Variants in IKZF1 observed in about 807,000 individuals in gnomAD.
The protein encoded by IKZF1 is IKAROS family zinc finger 1.
IKZF1 carries 10 observed loss-of-function variants against 51.7 expected under a neutral mutation model. The ratio of observed to expected loss-of-function variants is 0.19; its 90% CI spans 0.12 to 0.33. The LOEUF is 0.33. Among genes scored for constraint, IKZF1 ranks in the 10% least tolerant of loss-of-function variants. IKZF1 has a pLI of 1.00. For missense variants in IKZF1, 484 were observed against 707.5 expected, an observed-to-expected ratio of 0.68 and a Z score of 3.58; for synonymous variants, 280 against 282.3, an observed-to-expected ratio of 0.99 and a Z score of 0.08.
Position 50,382,529 on chromosome 7 carries a change from C to G in IKZF1, c.422-11C>G. 1 of 1,610,104 alleles carries G rather than the reference C, an allele frequency of 6.2e-7. No homozygotes were observed. The highest frequency in any genetic ancestry group is 8.5e-7 in the Non-Finnish European group (1 of 1,177,004). ...GTTTAGTTCTCACCAGCTCTCCTCT[C>G]TCCGTCCCAGGAGAACGGCCCTTCC... On this transcript the variant is annotated splice_polypyrimidine_tract_variant and intron_variant, in intron 4 of 7. Transcript: ENST00000331340.
At chr7:50,391,670 G>A (rs1019620034) in intron 6 of IKZF1, 59 bp from the exon 7 acceptor site, 54 of 1,588,002 alleles carry the variant, frequency 3.4e-5, no homozygotes, top group Middle Eastern at 1.7e-4. Flanking sequence ...AACATTGGAC[G>A]CGACTGAACC....
At chr7:50,315,175 G>A (rs1241716053) in intron 1 of IKZF1, among the ~76,000 whole-genome samples, 1 of 152,256 alleles carries the variant, frequency 6.6e-6, no homozygotes, top group Non-Finnish European at 1.5e-5. Flanking sequence ...ACACTGTTTG[G>A]TCAGAAAGAG....
At chr7:50,329,631 G>C (rs543372904) in intron 3 of IKZF1, among the ~76,000 whole-genome samples, 1 of 152,360 alleles carries the variant, frequency 6.6e-6, no homozygotes, top group East Asian at 1.9e-4. Context: ...GGGTGGTGAT[G>C]TTCCCTGATT....
chr7:50,321,037 C>T (rs1022229489), intron 2 of IKZF1, among the ~76,000 whole-genome samples: 5 of 152,050 alleles, frequency 3.3e-5, no homozygotes, highest in Admixed American at 6.5e-5. Flanking sequence ...AGTATGATCT[C>T]GTTCTTTTAA....
intron 6 of IKZF1, chr7:50,388,388 A>C (rs1403099021): frequency 1.3e-5 from 2 of 152,250 alleles, no homozygotes; most frequent in Non-Finnish European, 2.9e-5. Flanking sequence ...GAGTACCCTC[A>C]GATTATTAAT....
intron 2 of IKZF1, 141 bp downstream of exon 2, chr7:50,319,242 G>A (rs1792453752): frequency 1.7e-6 from 1 of 598,208 alleles, no homozygotes; most frequent in East Asian, 2.8e-5. Flanking sequence ...ATTTGCCTGA[G>A]TGTTTCCTTC....
intron 3 of IKZF1, among the ~76,000 whole-genome samples, chr7:50,349,237 A>C (rs550502624): frequency 6.6e-6 from 1 of 152,340 alleles, no homozygotes; most frequent in South Asian, 2.1e-4. Context: ...GTTGTGTTCT[A>C]AATAGCACTA....
At chr7:50,333,538 C>T (rs1014309156) in intron 3 of IKZF1, among the ~76,000 whole-genome samples, 2 of 152,124 alleles carry the variant, frequency 1.3e-5, no homozygotes, top group Non-Finnish European at 2.9e-5. Context: ...TCTTCTGAAC[C>T]GATAAACCCC....
chr7:50,336,737 T>C (rs946283616), intron 3 of IKZF1, among the ~76,000 whole-genome samples: 3 of 152,132 alleles, frequency 2.0e-5, no homozygotes. Flanking sequence ...TTCTGCTGAA[T>C]GCAATGGGAA....
chr7:50,356,161 C>T (rs1317688046), intron 3 of IKZF1, among the ~76,000 whole-genome samples: 4 of 152,258 alleles, frequency 2.6e-5, no homozygotes, highest in Admixed American at 2.6e-4. Context: ...CATTAGTCCA[C>T]TTTGCGTCTC....
Position 50,401,667 on chromosome 7 carries a change from CTGTT to C in IKZF1, c.*1044_*1047del, listed in dbSNP as rs1818148627. 4.6e-6 allele frequency: 1 copy of C among 218,968 alleles called. No homozygotes were observed. Among genetic ancestry groups the C allele is most frequent in the Non-Finnish European group, 9.2e-6 (1 of 109,074 alleles). The allele number at this position is 218,968 out of a possible 1,614,324, so 13.6% of individuals were successfully genotyped here. The stretch of plus-strand genomic sequence containing the variant: ...TAGCCCTCATTTTAATTATGTACAT[CTGTT>C]TGTAGCCACAAGCCTGAATTTCTCA... On this transcript the variant is annotated 3_prime_UTR_variant, in exon 8 of 8. Coordinates refer to ENST00000331340, the MANE Select transcript of IKZF1 (RefSeq NM_006060.6).
chr7:50,393,364 G>T (rs950063004), intron 7 of IKZF1, among the ~76,000 whole-genome samples: 8 of 152,142 alleles, frequency 5.3e-5, no homozygotes, highest in Admixed American at 5.2e-4. Flanking sequence ...TGGGAGAGAG[G>T]TGGGGCCAGA....
intron 3 of IKZF1, chr7:50,369,049 T>C: frequency 4.4e-6 from 1 of 225,674 alleles, no homozygotes; most frequent in Non-Finnish European, 8.8e-6. Context: ...GTTACAGAAA[T>C]CTTTCTTTTA....
intron 3 of IKZF1, among the ~76,000 whole-genome samples, chr7:50,349,810 C>G (rs1272791151): frequency 6.6e-6 from 1 of 152,178 alleles, no homozygotes; most frequent in Non-Finnish European, 1.5e-5. Context: ...AACCCTGTCA[C>G]ATTGAGGGCA....
chr7:50,381,932 CTG>C (rs1811956787), intron 4 of IKZF1, among the ~76,000 whole-genome samples: 1 of 152,166 alleles, frequency 6.6e-6, no homozygotes, highest in African/African-American at 2.4e-5. Flanking sequence ...CGCTCTCTGT[CTG>C]TCTCTCTCCT....
intron 1 of IKZF1, among the ~76,000 whole-genome samples, chr7:50,318,230 G>A (rs368595708): frequency 3.3e-5 from 5 of 152,010 alleles, no homozygotes; most frequent in East Asian, 3.8e-4. Flanking sequence ...TTTGTGGCTC[G>A]TAGTACACTC....
chr7:50,393,321 T>C (rs1815728444), intron 7 of IKZF1, among the ~76,000 whole-genome samples: 1 of 152,114 alleles, frequency 6.6e-6, no homozygotes, highest in South Asian at 2.1e-4. Flanking sequence ...TTTCAAGGAC[T>C]TCTGGTGTTT....
intron 1 of IKZF1, among the ~76,000 whole-genome samples, chr7:50,310,777 T>C (rs1352038936): frequency 6.6e-6 from 1 of 152,218 alleles, no homozygotes; most frequent in Admixed American, 6.5e-5. Flanking sequence ...GATTCTTAAA[T>C]GATGTTCTTT....
In IKZF1 at chr7:50,387,486, C is replaced by T. The variant is rs771174083; in HGVS notation, c.715+16C>T. 5.6e-6 allele frequency: 9 copies of T among 1,599,690 alleles called. No homozygotes were observed. The highest frequency in any genetic ancestry group is 2.7e-5 in the African/African-American group (2 of 74,526). On this transcript the variant is annotated intron_variant, in intron 6 of 7. Coordinates refer to ENST00000331340, the MANE Select transcript of IKZF1 (RefSeq NM_006060.6). The stretch of plus-strand genomic sequence containing the variant: ...CTGTACCCAGGTAAGCGCTGCTGCT[C>T]GGAGGCCAGCCTGGTGGGCTCTCCC...
Sources: gnomAD v4.1 joint callset for allele counts (sites outside exome capture counted in the v4.1 genomes callset) on GRCh38, gnomAD v4.1.1 for gene constraint, MANE v1.5 for transcripts, NCBI Gene and HGNC (gene_info 2026-07-23, HGNC 2026-07-21) for gene names.